SLC26A4: variants seen among roughly 807,000 people sequenced by gnomAD.
SLC26A4 encodes the protein pendrin.
A neutral mutation model predicts 90.4 loss-of-function variants in SLC26A4; 93 were observed. The ratio of observed to expected loss-of-function variants is 1.03; its 90% CI spans 0.87 to 1.22. The LOEUF (loss-of-function observed/expected upper bound fraction) is 1.22, where lower values mean the gene tolerates loss of function less well. Ranked by LOEUF, SLC26A4 falls within the 50% of genes most tolerant of loss-of-function variation. SLC26A4 has a pLI of 0.00. For synonymous variants in SLC26A4, 393 were observed against 354.6 expected, an observed-to-expected ratio of 1.11 and a Z score of -1.22; for missense variants, 1,127 against 946.2, an observed-to-expected ratio of 1.19 and a Z score of -2.51.
chr7:107,686,303 C>CCCTTTCCTA (rs1791402078), intron 8 of SLC26A4, among the ~76,000 whole-genome samples: 16 of 35,652 alleles, frequency 4.5e-4, no homozygotes, highest in African/African-American at 1.4e-3. Context: ...TACCTTCCCT[C>CCCTTTCCTA]CCTTCCCTCC....
chr7:107,701,239 C>A, intron 16 of SLC26A4, 43 bp downstream of exon 16: 2 of 1,247,060 alleles, frequency 1.6e-6, no homozygotes, highest in Non-Finnish European at 2.4e-6. Flanking sequence ...TATTTCCTTT[C>A]CCTGATGAGA....
At chr7:107,670,442 C>T (rs751224271) in intron 3 of SLC26A4, among the ~76,000 whole-genome samples, 1 of 151,980 alleles carries the variant, frequency 6.6e-6, no homozygotes, top group Non-Finnish European at 1.5e-5. Context: ...CTCCCACAGG[C>T]TGGAGTGGGA....
intron 3 of SLC26A4, among the ~76,000 whole-genome samples, chr7:107,670,438 C>T (rs1402169343): frequency 6.6e-6 from 1 of 152,090 alleles, no homozygotes; most frequent in African/African-American, 2.4e-5. Flanking sequence ...TACACTCCCA[C>T]AGGCTGGAGT....
intron 16 of SLC26A4, among the ~76,000 whole-genome samples, chr7:107,701,621 A>G (rs374572232): frequency 2.4e-4 from 37 of 152,176 alleles, no homozygotes; most frequent in African/African-American, 8.9e-4. Context: ...CCAGAAAACA[A>G]AAGTTTCCTG....
chr7:107,679,355 T>C (rs1310097832), intron 6 of SLC26A4, among the ~76,000 whole-genome samples: 1 of 152,158 alleles, frequency 6.6e-6, no homozygotes, highest in Non-Finnish European at 1.5e-5. Context: ...ACTTTAAGGA[T>C]TGATCTATAC....
rs768009990 is a variant in SLC26A4, at chr7:107,674,309, G to T, written c.561G>T (p.Leu187=). The part of the protein sequence containing the change: ...DTAARDTARV[L]IASALTLLVG... The stretch of plus-strand genomic sequence containing the variant: ...CAGCTAGAGATACAGCTAGAGTCCT[G>T]ATTGCCAGTGCCCTGACTCTGCTGG... The change falls in exon 5 of 21, where the codon CTG becomes CTT. Residue 187 remains leucine, a synonymous_variant. Coordinates refer to ENST00000644269, the MANE Select transcript of SLC26A4 (RefSeq NM_000441.2). 6.2e-7 allele frequency: 1 copy of T among 1,613,938 alleles called. No individual in the cohort carries two copies. Among genetic ancestry groups the T allele is most frequent in the Non-Finnish European group, 8.5e-7 (1 of 1,179,852 alleles).
chr7:107,707,154 T>C (rs531094293), intron 18 of SLC26A4, among the ~76,000 whole-genome samples: 116 of 152,144 alleles, frequency 7.6e-4, no homozygotes, highest in African/African-American at 2.6e-3. Context: ...AAAAAAAAAG[T>C]ATGCTTAACC....
Position 107,715,548 on chromosome 7 carries a change from T to C in SLC26A4, c.*102T>C, listed in dbSNP as rs1792325153. The C allele has an allele frequency of 1.1e-6, 1 of 931,438 alleles. No individual in the cohort carries two copies. The highest frequency in any genetic ancestry group is 1.3e-5 in the South Asian group (1 of 77,386). 57.7% of individuals were successfully genotyped at this position (931,438 alleles called of 1,614,324 possible). A position where few individuals can be genotyped will look rare whatever the true frequency, so the allele number is the denominator to read the frequency against. On this transcript the variant is annotated 3_prime_UTR_variant, in exon 21 of 21. Coordinates refer to ENST00000644269, the MANE Select transcript of SLC26A4 (RefSeq NM_000441.2). The stretch of plus-strand genomic sequence containing the variant: ...TCAAAACACTCATTCTTTTTTCTAT[T>C]AAGCCATTGAAAGAGAAGCACTAAG...
intron 4 of SLC26A4, among the ~76,000 whole-genome samples, chr7:107,672,745 C>A (rs1381087393): frequency 6.6e-6 from 1 of 152,140 alleles, no homozygotes; most frequent in Non-Finnish European, 1.5e-5. Context: ...AGAAGACTGG[C>A]AAAATCTTAC....
chr7:107,677,223 A>G (rs1402081954), intron 6 of SLC26A4, among the ~76,000 whole-genome samples: 1 of 152,016 alleles, frequency 6.6e-6, no homozygotes, highest in Non-Finnish European at 1.5e-5. Flanking sequence ...AAAACAAACA[A>G]AAAAGATCAT....
At position 107,701,958 on chromosome 7, in the gene SLC26A4, A is replaced by C. The variant is rs937741434; in HGVS notation, c.1935A>C (p.Pro645=). ...EIQVDWNSEL[P]VKVNVPKVPI... is the part of the protein sequence containing the mutation. The stretch of plus-strand genomic sequence containing the variant: ...AAGTGGATTGGAACTCTGAGCTTCC[A>C]GTCAAAGTGAACGTTCCCAAAGTGC... The change falls in exon 17 of 21, where the codon CCA becomes CCC. Residue 645 remains proline, a synonymous_variant. Transcript: ENST00000644269. 1 of 1,613,674 alleles carries C rather than the reference A, an allele frequency of 6.2e-7. No individual in the cohort carries two copies. Among genetic ancestry groups the C allele is most frequent in the African/African-American group, 1.3e-5 (1 of 74,928 alleles).
At chr7:107,695,529 C>T (rs1791712033) in intron 12 of SLC26A4, among the ~76,000 whole-genome samples, 1 of 152,134 alleles carries the variant, frequency 6.6e-6, no homozygotes, top group Admixed American at 6.5e-5. Context: ...TGTGATTTGG[C>T]CAGGCACAGT....
intron 3 of SLC26A4, among the ~76,000 whole-genome samples, chr7:107,663,770 G>A (rs925292591): frequency 4.8e-4 from 73 of 151,962 alleles, no homozygotes; most frequent in Non-Finnish European, 1.6e-4. Flanking sequence ...TGCAAGCTCC[G>A]TCTCCCGGGT....
intron 20 of SLC26A4, among the ~76,000 whole-genome samples, chr7:107,713,046 C>T (rs1792236182): frequency 6.6e-6 from 1 of 152,202 alleles, no homozygotes; most frequent in African/African-American, 2.4e-5. Context: ...GCTTTAAAAA[C>T]ACACTCTCCC....
intron 6 of SLC26A4, among the ~76,000 whole-genome samples, chr7:107,677,289 A>G (rs1212156302): frequency 6.6e-6 from 1 of 152,190 alleles, no homozygotes; most frequent in African/African-American, 2.4e-5. Context: ...CCCACTACCC[A>G]TGATGTTTAT....
At chr7:107,687,334 A>G (rs1791448062) in intron 8 of SLC26A4, among the ~76,000 whole-genome samples, 1 of 152,220 alleles carries the variant, frequency 6.6e-6, no homozygotes, top group South Asian at 2.1e-4. Context: ...GAAGATATCC[A>G]GACGGGACTT....
rs765579453 is a variant in SLC26A4 at position 107,674,150 on chromosome 7, CT to C, written c.416-7del. The C allele has an allele frequency of 8.4e-5, 135 of 1,613,034 alleles. No homozygotes were observed. The highest frequency in any genetic ancestry group is 1.0e-4 in the Non-Finnish European group (121 of 1,179,176). The stretch of plus-strand genomic sequence containing the variant: ...TTAATAACTGATTAATTGTTAGAGA[CT>C]TTTTTTCCCCAGGACCTTTTCCAGT... On this transcript the variant is annotated splice_polypyrimidine_tract_variant and intron_variant, in intron 4 of 20. Coordinates refer to ENST00000644269, the MANE Select transcript of SLC26A4 (RefSeq NM_000441.2).
At position 107,712,585 on chromosome 7, in the gene SLC26A4, C is replaced by G; in HGVS notation, c.2282C>G (p.Thr761Arg). Reference sequence around the variant, plus strand: ...AAAGATACCCTTGAATTAATAGAAACAGAGCTGACGGAAGAAGAACTTGAT... The same window carrying G: ...AAAGATACCCTTGAATTAATAGAAAGAGAGCTGACGGAAGAAGAACTTGAT... ...DCKDTLELIE[T>R]ELTEEELDVQ... The change falls in exon 20 of 21, where the codon ACA becomes AGA. Residue 761 changes from threonine (T) to arginine (R), a missense_variant. Physicochemically the swap from Thr to Arg is moderately conservative, Grantham distance 71. Coordinates refer to ENST00000644269, the MANE Select transcript of SLC26A4 (RefSeq NM_000441.2). 1.3e-6 allele frequency: 2 copies of G among 1,593,658 alleles called. No homozygotes were observed. The highest frequency in any genetic ancestry group is 1.7e-6 in the Non-Finnish European group (2 of 1,161,428).
Position 107,702,061 on chromosome 7 carries a change from A to G in SLC26A4, c.2034+4A>G, listed in dbSNP as rs767646222. ...TGGAGTGAGATCACTGCGGGTGGTA[A>G]GGTTCTGGTTTTCTGAATTATACAT... On this transcript the variant is annotated splice_donor_region_variant and intron_variant, in intron 17 of 20. Transcript: ENST00000644269. The G allele has an allele frequency of 6.3e-7, 1 of 1,588,586 alleles. No individual in the cohort carries two copies. The highest frequency in any genetic ancestry group is 8.6e-7 in the Non-Finnish European group (1 of 1,156,912).
Sources: allele counts gnomAD v4.1 joint callset (sites outside exome capture counted in the v4.1 genomes callset), GRCh38; gene constraint gnomAD v4.1.1; transcripts MANE v1.5; gene names NCBI Gene and HGNC (gene_info 2026-07-23, HGNC 2026-07-21).